C6orf136: variants seen among roughly 807,000 people sequenced by gnomAD.
C6orf136 encodes uncharacterized protein C6orf136.
C6orf136 carries 29 observed loss-of-function variants against 44.0 expected under a neutral mutation model. The ratio of observed to expected loss-of-function variants is 0.66; its 90% confidence interval spans 0.49 to 0.90. The LOEUF is 0.90. C6orf136 is among the 40% of genes least tolerant of loss of function. The pLI, the probability that C6orf136 is intolerant of heterozygous loss-of-function variation, is 0.00. For synonymous variants in C6orf136, 293 were observed against 278.6 expected, an observed-to-expected ratio of 1.05 and a Z score of -0.52; for missense variants, 628 against 669.3, an observed-to-expected ratio of 0.94 and a Z score of 0.68.
At chr6:30,648,279 G>A (rs1767059782) in intron 1 of C6orf136, among the ~76,000 whole-genome samples, 1 of 152,044 alleles carries the variant, frequency 6.6e-6, no homozygotes, top group Non-Finnish European at 1.5e-5. Context: ...TAATCATGGA[G>A]ATGTACAGGC....
At position 30,651,472 on chromosome 6, in the gene C6orf136, A is replaced by C; in HGVS notation, c.1307+6A>C. 1 of 1,602,922 alleles carries C rather than the reference A, an allele frequency of 6.2e-7. No homozygotes were observed. Among genetic ancestry groups the C allele is most frequent in the South Asian group, 1.1e-5 (1 of 91,016 alleles). On this transcript the variant is annotated splice_donor_region_variant and intron_variant, in intron 4 of 5. Coordinates refer to ENST00000651131, the MANE Select transcript of C6orf136 (RefSeq NM_001161376.2). Reference sequence around the variant, plus strand: ...GACAAAGACGAGCATTACCGGTAAGAGAGAAATGAGAAAGGACCCAAACTA... The same window carrying C: ...GACAAAGACGAGCATTACCGGTAAGCGAGAAATGAGAAAGGACCCAAACTA...
chr6:30,647,397 C>G lies in C6orf136; in HGVS notation c.166C>G (p.Gln56Glu), dbSNP rs933129123. 6.8e-7 allele frequency: 1 copy of G among 1,479,858 alleles called. No homozygotes were observed. Among genetic ancestry groups the G allele is most frequent in the African/African-American group, 1.4e-5 (1 of 69,554 alleles). 91.7% of individuals were successfully genotyped at this position (1,479,858 alleles called of 1,614,324 possible). A position where few individuals can be genotyped will look rare whatever the true frequency, so the allele number is the denominator to read the frequency against. ...GGCGGAGCGCGCGCTGGGTTCCGCG[C>G]AGGCGCAGAGACACCCGCCGCCCCT... Reference protein sequence around the residue: ...RGAERALGSAQAQRHPPPLPT... With the variant: ...RGAERALGSAEAQRHPPPLPT... Residue 56 changes from glutamine to glutamate, a missense_variant, in exon 1 of 6, where the codon CAG (glutamine) becomes GAG (glutamate). By Grantham distance (29) the Gln-to-Glu change is conservative. This residue lies in a region of C6orf136 where 497 missense variants were observed against 469.2 expected (regional missense o/e 1.06). Coordinates refer to ENST00000651131, the MANE Select transcript of C6orf136 (RefSeq NM_001161376.2). The surrounding 1 kb of genome is among the most constrained non-coding windows in gnomAD (Gnocchi z 4.8).
In C6orf136 at chr6:30,653,105, T is replaced by C. The variant is rs1767607231; in HGVS notation, c.*190T>C. ...ATAAAGTTTAACTGACTATATGAGA[T>C]AGAATTTCACATATCACTTTCTCTA... On this transcript the variant is annotated 3_prime_UTR_variant, in exon 6 of 6. Transcript: ENST00000651131. 1 of 1,183,032 alleles carries C rather than the reference T, an allele frequency of 8.5e-7. No homozygotes were observed. Among genetic ancestry groups the C allele is most frequent in the Non-Finnish European group, 1.2e-6 (1 of 851,392 alleles). The allele number at this position is 1,183,032 out of a possible 1,614,324, so 73.3% of individuals were successfully genotyped here. A position where few individuals can be genotyped will look rare whatever the true frequency, so the allele number is the denominator to read the frequency against.
At chr6:30,648,654 C>G (rs1767107621) in intron 1 of C6orf136, among the ~76,000 whole-genome samples, 1 of 149,316 alleles carries the variant, frequency 6.7e-6, no homozygotes, top group Non-Finnish European at 1.5e-5. Flanking sequence ...CCCGCCTCGG[C>G]TTCCCAAAGT....
At chr6:30,648,105 C>G (rs1047498248) in intron 1 of C6orf136, among the ~76,000 whole-genome samples, 5 of 152,214 alleles carry the variant, frequency 3.3e-5, no homozygotes, top group Admixed American at 2.6e-4. Context: ...TTCATTATTT[C>G]ATATAGGCCT....
chr6:30,648,482 T>G (rs1195548234), intron 1 of C6orf136, among the ~76,000 whole-genome samples: 3 of 150,220 alleles, frequency 2.0e-5, no homozygotes, highest in East Asian at 4.0e-4. Context: ...CACTGCAATC[T>G]CCGTCTCCTG....
chr6:30,650,050 G>A (rs1767263560), intron 2 of C6orf136, 91 bp downstream of exon 2: 28 of 1,121,488 alleles, frequency 2.5e-5, no homozygotes, highest in Non-Finnish European at 3.5e-5. Flanking sequence ...ATTCTTTTTT[G>A]GAACCATGAG....
chr6:30,651,479 T>A lies in C6orf136; in HGVS notation c.1307+13T>A. ...ACGAGCATTACCGGTAAGAGAGAAA[T>A]GAGAAAGGACCCAAACTATAATCAG... On this transcript the variant is annotated intron_variant, in intron 4 of 5. Transcript: ENST00000651131. 6.3e-7 allele frequency: 1 copy of A among 1,599,822 alleles called. No homozygotes were observed. The highest frequency in any genetic ancestry group is 1.7e-5 in the Admixed American group (1 of 59,274).
rs755521488 is a variant in C6orf136 at position 30,652,806 on chromosome 6, T to C, written c.1382T>C (p.Met461Thr). 6.2e-7 allele frequency: 1 copy of C among 1,613,030 alleles called. No individual in the cohort carries two copies. The highest frequency in any genetic ancestry group is 8.5e-7 in the Non-Finnish European group (1 of 1,179,984). Residue 461 changes from methionine to threonine, a missense_variant, in exon 6 of 6, where the codon ATG becomes ACG. By Grantham distance (81) the Met-to-Thr change is moderately conservative. Transcript: ENST00000651131. ...LICRHRLDKL[M>T]PSHSPPTPVK... The stretch of plus-strand genomic sequence containing the variant: ...CATTAACCTTTCTCCCTGCAGCTGA[T>C]GCCTTCACACTCACCTCCAACGCCT...
At chr6:30,648,646 C>T (rs542904571) in intron 1 of C6orf136, among the ~76,000 whole-genome samples, 55 of 149,946 alleles carry the variant, frequency 3.7e-4, no homozygotes, top group Non-Finnish European at 3.4e-4. Context: ...GTGATCCGCC[C>T]GCCTCGGCTT....
rs760229333 is a variant in C6orf136 at position 30,647,676 on chromosome 6, C to G, written c.445C>G (p.Gln149Glu). The change falls in exon 1 of 6, where the codon CAG becomes GAG. Residue 149 changes from glutamine (Q) to glutamate (E), a missense_variant. This residue lies in a region of C6orf136 where 497 missense variants were observed against 469.2 expected (regional missense o/e 1.06). Coordinates refer to ENST00000651131, the MANE Select transcript of C6orf136 (RefSeq NM_001161376.2). This position sits in a 1 kb window ranked among gnomAD's most constrained non-coding sequence, Gnocchi z 4.8. Reference protein sequence around the residue: ...AAAPSRSSPAQTRPAGRPQQP... With the variant: ...AAAPSRSSPAETRPAGRPQQP... ...GGCGCCGTCCCGGAGTTCCCCGGCC[C>G]AGACCAGACCCGCGGGGCGCCCTCA... 6.5e-7 allele frequency: 1 copy of G among 1,550,138 alleles called. No homozygotes were observed. Among genetic ancestry groups the G allele is most frequent in the Non-Finnish European group, 8.7e-7 (1 of 1,146,706 alleles).
In C6orf136 at chr6:30,647,768, C is replaced by T. The variant is rs1306640839; in HGVS notation, c.537C>T (p.Phe179=). 3.2e-6 allele frequency: 5 copies of T among 1,545,262 alleles called. No individual in the cohort carries two copies. The highest frequency in any genetic ancestry group is 4.4e-6 in the Non-Finnish European group (5 of 1,145,452). ...WQEGRPVCTR[F]GPLRPGWQDG... ...AAGGCCGGCCAGTGTGCACCCGGTT[C>T]GGGCCCCTGCGCCCGGGCTGGCAAG... Residue 179 remains phenylalanine (F), a synonymous_variant, in exon 1 of 6, where the codon TTC becomes TTT. Transcript: ENST00000651131. This position sits in a 1 kb window ranked among gnomAD's most constrained non-coding sequence, Gnocchi z 4.8.
In C6orf136 at chr6:30,652,869, G is replaced by A; in HGVS notation, c.1445G>A (p.Gly482Glu). 6.2e-7 allele frequency: 1 copy of A among 1,613,010 alleles called. No homozygotes were observed. The change falls in exon 6 of 6, where the codon GGG becomes GAG. Residue 482 changes from glycine (G) to glutamate (E), a missense_variant. Coordinates refer to ENST00000651131, the MANE Select transcript of C6orf136 (RefSeq NM_001161376.2). ...KLLVGALVAL[G>E]LSEPEPDLNL... Reference sequence around the variant, plus strand: ...CTAGTGGGAGCCCTGGTGGCCCTGGGGCTGTCAGAGCCAGAACCTGACTTA... The same window carrying A: ...CTAGTGGGAGCCCTGGTGGCCCTGGAGCTGTCAGAGCCAGAACCTGACTTA...
chr6:30,648,267 C>T (rs1010717168), intron 1 of C6orf136, among the ~76,000 whole-genome samples: 6 of 152,152 alleles, frequency 3.9e-5, no homozygotes, highest in African/African-American at 1.2e-4. Flanking sequence ...GCCTCGCACA[C>T]TTAATCATGG....
chr6:30,648,465 C>T (rs1356719900), intron 1 of C6orf136, among the ~76,000 whole-genome samples: 1 of 148,838 alleles, frequency 6.7e-6, no homozygotes, highest in Non-Finnish European at 1.5e-5. Flanking sequence ...TTGGCACCAT[C>T]TCGGCTCACT....
chr6:30,647,310 G>A lies in C6orf136; in HGVS notation c.79G>A (p.Gly27Arg), dbSNP rs757959659. 1.9e-6 allele frequency: 3 copies of A among 1,596,062 alleles called. No individual in the cohort carries two copies. Among genetic ancestry groups the A allele is most frequent in the Non-Finnish European group, 2.6e-6 (3 of 1,173,480 alleles). The change falls in exon 1 of 6, where the codon GGA (glycine) becomes AGA (arginine). Residue 27 changes from glycine (G) to arginine (R), a missense_variant. Physicochemically the swap from Gly to Arg is moderately radical, Grantham distance 125. Coordinates refer to ENST00000651131, the MANE Select transcript of C6orf136 (RefSeq NM_001161376.2). The surrounding 1 kb of genome is among the most constrained non-coding windows in gnomAD (Gnocchi z 4.8). ...RAYQARPQVS[G>R]GEEGGRRGGG... ...CTACCAGGCTCGACCCCAGGTGAGC[G>A]GAGGAGAAGAGGGAGGGAGGAGAGG...
intron 2 of C6orf136, 76 bp downstream of exon 2, chr6:30,650,035 A>T: frequency 3.8e-6 from 5 of 1,317,390 alleles, no homozygotes; most frequent in Non-Finnish European, 5.3e-6. Flanking sequence ...GGGATAGTCA[A>T]CTGGATTCTT....
chr6:30,650,761 C>G (rs146799000), intron 2 of C6orf136, among the ~76,000 whole-genome samples: 1 of 148,000 alleles, frequency 6.8e-6, no homozygotes, highest in Non-Finnish European at 1.5e-5. Flanking sequence ...CCAGCCTGGG[C>G]GACAGAGCTA....
chr6:30,647,280 C>T lies in C6orf136; in HGVS notation c.49C>T (p.Arg17Cys). 1 of 1,600,048 alleles carries T rather than the reference C, an allele frequency of 6.2e-7. No individual in the cohort carries two copies. The highest frequency in any genetic ancestry group is 8.5e-7 in the Non-Finnish European group (1 of 1,175,384). Residue 17 changes from arginine to cysteine, a missense_variant, in exon 1 of 6, where the codon CGC becomes TGC. By Grantham distance (180) the Arg-to-Cys change is radical. Around this residue, in one of 2 missense-constraint regions of C6orf136, gnomAD observed 497 missense variants for 469.2 expected, o/e 1.06. Coordinates refer to ENST00000651131, the MANE Select transcript of C6orf136 (RefSeq NM_001161376.2). This position sits in a 1 kb window ranked among gnomAD's most constrained non-coding sequence, Gnocchi z 4.8. ...GAARRLGPCL[R>C]AYQARPQVSG... ...GGCCCGGCGTCTCGGCCCTTGCCTG[C>T]GCGCCTACCAGGCTCGACCCCAGGT... is the stretch of plus-strand genomic sequence containing the variant.
Sources: gnomAD v4.1 joint callset for allele counts (sites outside exome capture counted in the v4.1 genomes callset) on GRCh38, gnomAD v4.1.1 for gene constraint, gnomAD v4.1.1 regional missense constraint, Gnocchi (gnomAD v3.1) non-coding constraint, MANE v1.5 for transcripts, NCBI Gene and HGNC (gene_info 2026-07-23, HGNC 2026-07-21) for gene names.